Variants in CEP63 observed in about 807,000 individuals in gnomAD.
The protein encoded by CEP63 is centrosomal protein 63.
In CEP63, 84 loss-of-function variants were observed where a neutral mutation model predicts 89.1. That is an observed-to-expected ratio of 0.94 (90% confidence interval 0.79 to 1.13). The LOEUF (loss-of-function observed/expected upper bound fraction) is 1.13. CEP63 is among the 50% of genes most tolerant of loss of function. The pLI is 0.00. For synonymous variants in CEP63, 267 were observed against 272.5 expected, an observed-to-expected ratio of 0.98 and a Z score of 0.20; for missense variants, 838 against 813.3, an observed-to-expected ratio of 1.03 and a Z score of -0.37.
the CEP63 span, among the ~76,000 whole-genome samples, chr3:134,601,942 G>A: frequency 7.2e-4 from 109 of 152,306 alleles, no homozygotes; most frequent in Non-Finnish European, 2.6e-4. Context: ...GGCAGGGGCC[G>A]GGCCCCCTTG....
intron 3 of CEP63, among the ~76,000 whole-genome samples, chr3:134,507,839 A>G (rs1160772810): frequency 6.6e-6 from 1 of 152,250 alleles, no homozygotes; most frequent in Middle Eastern, 3.2e-3. Flanking sequence ...GAAAAGTTTA[A>G]TAATATTTGC....
At chr3:134,497,927 G>A (rs1170851078) in intron 2 of CEP63, among the ~76,000 whole-genome samples, 1 of 152,066 alleles carries the variant, frequency 6.6e-6, no homozygotes, top group African/African-American at 2.4e-5. Flanking sequence ...GTTGGTGTAT[G>A]TTTCTGCTTT....
the CEP63 span, among the ~76,000 whole-genome samples, chr3:134,698,175 T>C: frequency 2.0e-5 from 3 of 152,180 alleles, no homozygotes; most frequent in Non-Finnish European, 4.4e-5. Context: ...TCAGTATTTG[T>C]TTTCAAACCA....
the CEP63 span, among the ~76,000 whole-genome samples, chr3:134,672,697 T>C: frequency 6.6e-6 from 1 of 152,234 alleles, no homozygotes; most frequent in African/African-American, 2.4e-5. Flanking sequence ...ATGCTGGCTC[T>C]TGTCTTCCTC....
At chr3:134,594,855 G>T in the CEP63 span, among the ~76,000 whole-genome samples, 1 of 152,204 alleles carries the variant, frequency 6.6e-6, no homozygotes, top group Non-Finnish European at 1.5e-5. Context: ...AACACACTCA[G>T]CCTAGGCTCC....
chr3:134,677,353 C>A, the CEP63 span, among the ~76,000 whole-genome samples: 1 of 152,380 alleles, frequency 6.6e-6, no homozygotes, highest in East Asian at 1.9e-4. Flanking sequence ...CTTGCTGTTT[C>A]CGTTTCCATG....
the CEP63 span, among the ~76,000 whole-genome samples, chr3:134,597,463 A>G: frequency 6.6e-6 from 1 of 152,120 alleles, no homozygotes; most frequent in Non-Finnish European, 1.5e-5. Flanking sequence ...AGCATAGGCA[A>G]GTTAACTTGT....
rs1197640488 is a variant in CEP63 at position 134,563,378 on chromosome 3, A to G, written c.*1843A>G. 1 of 152,044 alleles carries G rather than the reference A, an allele frequency of 6.6e-6. No homozygotes were observed. Among genetic ancestry groups the G allele is most frequent in the Admixed American group, 6.5e-5 (1 of 15,272 alleles). The allele number at this position is 152,044 out of a possible 1,614,324, so 9.4% of individuals were successfully genotyped here. A position where few individuals can be genotyped will look rare whatever the true frequency, so the allele number is the denominator to read the frequency against. ...CTGGAGTTATCCTTTAGAAATGTAA[A>G]TGAAACAGTGTCACCACTGCTTCCC... is the stretch of plus-strand genomic sequence containing the variant. On this transcript the variant is annotated 3_prime_UTR_variant, in exon 15 of 15. Coordinates refer to ENST00000675561, the MANE Select transcript of CEP63 (RefSeq NM_001353108.3).
chr3:134,544,514 A>G (rs1440113038), intron 6 of CEP63, among the ~76,000 whole-genome samples: 2 of 152,132 alleles, frequency 1.3e-5, no homozygotes, highest in African/African-American at 4.8e-5. Context: ...TTTTCCTCCA[A>G]TAAACAAAAG....
At chr3:134,610,111 T>C in the CEP63 span, 1 of 1,456,824 alleles carries the variant, frequency 6.9e-7, no homozygotes, top group Non-Finnish European at 9.4e-7. Flanking sequence ...CCGCTTGGTC[T>C]TCTCCACCTG....
the CEP63 span, among the ~76,000 whole-genome samples, chr3:134,605,705 T>C: frequency 6.7e-6 from 1 of 149,266 alleles, no homozygotes; most frequent in African/African-American, 2.5e-5. Context: ...GCCGGTCAGC[T>C]CTCTGGCACT....
rs147553684 is a variant in CEP63, at chr3:134,537,191, C to G, written c.478C>G (p.Arg160Gly). 1 of 1,613,792 alleles carries G rather than the reference C, an allele frequency of 6.2e-7. No homozygotes were observed. The highest frequency in any genetic ancestry group is 1.1e-5 in the South Asian group (1 of 91,078). ...GAAATCGCTGGACTGGGAGAAGCAA[C>G]GCTTGATTTATCAGCAACAGGTATC... ...RQKSLDWEKQ[R>G]LIYQQQVSSL... is the part of the protein sequence containing the mutation. Residue 160 changes from arginine to glycine, a missense_variant, in exon 6 of 15, where the codon CGC becomes GGC. Arg to Gly is a moderately radical substitution (Grantham distance 125). Transcript: ENST00000675561.
At chr3:134,758,756 G>A in the CEP63 span, among the ~76,000 whole-genome samples, 8 of 152,054 alleles carry the variant, frequency 5.3e-5, no homozygotes, top group Non-Finnish European at 1.2e-4. Context: ...ACTGCCCTTA[G>A]CAACTTGAGT....
At position 134,549,060 on chromosome 3, in the gene CEP63, A is replaced by G. The variant is rs150764448; in HGVS notation, c.1068-2A>G. The G allele has an allele frequency of 1.9e-5, 31 of 1,596,382 alleles. No individual in the cohort carries two copies. The highest frequency in any genetic ancestry group is 2.4e-5 in the Non-Finnish European group (28 of 1,164,062). ...GTATGGGATCTTATTTTTGTCATACAGTTTGGAATCTGTGAGTGCAACGTG... is the reference window on the plus strand; with the variant it reads ...GTATGGGATCTTATTTTTGTCATACGGTTTGGAATCTGTGAGTGCAACGTG... On this transcript the variant is annotated splice_acceptor_variant, in intron 9 of 14. Coordinates refer to ENST00000675561, the MANE Select transcript of CEP63 (RefSeq NM_001353108.3). LOFTEE classifies it high-confidence loss of function.
rs1957550826 is a variant in CEP63 at position 134,563,785 on chromosome 3, A to G, written c.*2250A>G. The G allele has an allele frequency of 6.6e-6, 1 of 152,258 alleles. No individual in the cohort carries two copies. Among genetic ancestry groups the G allele is most frequent in the Non-Finnish European group, 1.5e-5 (1 of 68,086 alleles). 9.4% of individuals were successfully genotyped at this position (152,258 alleles called of 1,614,324 possible). ...AATTAGTATAGCCTACAGAGTGTCA[A>G]TAATCTGGGCCTAATCACCCATTGC... is the stretch of plus-strand genomic sequence containing the variant. On this transcript the variant is annotated 3_prime_UTR_variant, in exon 15 of 15. Transcript: ENST00000675561.
At chr3:134,733,551 G>A in the CEP63 span, among the ~76,000 whole-genome samples, 2 of 152,174 alleles carry the variant, frequency 1.3e-5, no homozygotes, top group African/African-American at 4.8e-5. Flanking sequence ...CTGGGGTAGG[G>A]TGGGCCCTTA....
chr3:134,780,329 A>C, the CEP63 span, among the ~76,000 whole-genome samples: 2 of 152,358 alleles, frequency 1.3e-5, no homozygotes, highest in South Asian at 2.1e-4. Flanking sequence ...AATGCTATGC[A>C]ATCATCACCA....
chr3:134,489,067 A>G (rs1288453655), intron 1 of CEP63, among the ~76,000 whole-genome samples: 1 of 151,488 alleles, frequency 6.6e-6, no homozygotes, highest in East Asian at 1.9e-4. Context: ...AGGCAGGAGA[A>G]GGAGAATCGC....
chr3:134,671,213 C>A, the CEP63 span, among the ~76,000 whole-genome samples: 35 of 152,276 alleles, frequency 2.3e-4, no homozygotes, highest in Non-Finnish European at 2.4e-4. Context: ...AGTCCATTAT[C>A]CTACGCGATC....
Sources: gnomAD v4.1 joint callset for allele counts (sites outside exome capture counted in the v4.1 genomes callset) on GRCh38, gnomAD v4.1.1 for gene constraint, MANE v1.5 for transcripts, NCBI Gene and HGNC (gene_info 2026-07-23, HGNC 2026-07-21) for gene names.